TTLL5: variants seen among roughly 807,000 people sequenced by gnomAD.
The protein encoded by TTLL5 is tubulin tyrosine ligase like 5.
Under a neutral mutation model 168.4 loss-of-function variants are expected in TTLL5, and 132 were observed. That is an observed-to-expected ratio of 0.78 (90% CI 0.68 to 0.91). The LOEUF is 0.91. Among genes scored for constraint, TTLL5 ranks in the 40% least tolerant of loss-of-function variants. The pLI, the probability that TTLL5 is intolerant of heterozygous loss-of-function variation, is 0.00. For missense variants in TTLL5, 1,545 were observed against 1,581.5 expected (o/e 0.98, Z 0.39); for synonymous variants, 546 against 558.6 (o/e 0.98, Z 0.32).
chr14:75,741,319 A>G (rs1033383106), intron 15 of TTLL5, among the ~76,000 whole-genome samples: 1 of 152,218 alleles, frequency 6.6e-6, no homozygotes, highest in Non-Finnish European at 1.5e-5. Flanking sequence ...TCTTTTAGCC[A>G]GAGGCAATGG....
At chr14:75,702,349 C>G (rs926675826) in intron 7 of TTLL5, among the ~76,000 whole-genome samples, 2 of 152,198 alleles carry the variant, frequency 1.3e-5, no homozygotes, top group Admixed American at 1.3e-4. Context: ...AGCTCTGTGC[C>G]AGGAGCTCCA....
intron 1 of TTLL5, 117 bp downstream of exon 1, chr14:75,661,504 C>A (rs1407296946): frequency 3.3e-5 from 5 of 152,302 alleles, no homozygotes; most frequent in Non-Finnish European, 5.9e-5. Context: ...GGCTTCCGGG[C>A]GCGCCGCGTT....
chr14:75,723,952 A>G (rs2140213127), intron 12 of TTLL5, among the ~76,000 whole-genome samples: 1 of 151,358 alleles, frequency 6.6e-6, no homozygotes, highest in East Asian at 1.9e-4. Flanking sequence ...TATTTGTATG[A>G]GTCTCTGCCT....
intron 28 of TTLL5, among the ~76,000 whole-genome samples, chr14:75,842,881 G>C (rs1019693241): frequency 3.3e-5 from 5 of 152,096 alleles, no homozygotes; most frequent in African/African-American, 1.2e-4. Flanking sequence ...TCCATACCTG[G>C]ACACTTCCTT....
At position 75,778,365 on chromosome 14, in the gene TTLL5, G is replaced by C. The variant is rs544953726; in HGVS notation, c.2388-1210G>C. 2.2e-4 allele frequency among the ~76,000 whole-genome samples: 34 copies of C among 152,312 alleles called. 1 individual carries two copies. The East Asian group carries it at 5.2e-3, about 23-fold the overall frequency. On this transcript the variant is annotated intron_variant, in intron 23 of 31. Transcript: ENST00000298832. ...AGTCAGACAGGAAAACATAAATTATGAAGTGGGCAAAGGATAAGACAGATA... is the reference window on the plus strand; with the variant it reads ...AGTCAGACAGGAAAACATAAATTATCAAGTGGGCAAAGGATAAGACAGATA...
intron 29 of TTLL5, among the ~76,000 whole-genome samples, chr14:75,871,758 C>A (rs2031054118): frequency 6.6e-6 from 1 of 152,156 alleles, no homozygotes; most frequent in South Asian, 2.1e-4. Flanking sequence ...ATCCATCCAT[C>A]TGAGATGGTG....
chr14:75,682,283 C>G (rs1214460418), intron 4 of TTLL5, among the ~76,000 whole-genome samples: 1 of 151,948 alleles, frequency 6.6e-6, no homozygotes, highest in Non-Finnish European at 1.5e-5. Context: ...AAAGGCAGGC[C>G]TTTGGAAGGA....
intron 28 of TTLL5, among the ~76,000 whole-genome samples, chr14:75,824,415 C>CAGTCAGTCCTGTCCCGA (rs57884854): frequency 6.6e-6 from 1 of 152,058 alleles, no homozygotes; most frequent in East Asian, 1.9e-4. Flanking sequence ...TCAAGAAGGG[C>CAGTCAGTCCTGTCCCGA]ATGTAAGGAG....
rs145682038 is a variant in TTLL5, at chr14:75,887,820, A to C, written c.3740+4918A>C. 4.6e-3 allele frequency among the ~76,000 whole-genome samples: 694 copies of C among 152,332 alleles called. 19 individuals are homozygous for C. The highest frequency in any genetic ancestry group is 9.8e-4 in the Non-Finnish European group (67 of 68,028). Reference sequence around the variant, plus strand: ...TAGGAACTCACTCCTCTCTTTTTCCATACCAGTTTTACCACTTAAATGACC... The same window carrying C: ...TAGGAACTCACTCCTCTCTTTTTCCCTACCAGTTTTACCACTTAAATGACC... On this transcript the variant is annotated intron_variant, in intron 30 of 31. Transcript: ENST00000298832.
intron 18 of TTLL5, among the ~76,000 whole-genome samples, chr14:75,759,356 G>T (rs1224151626): frequency 6.6e-6 from 1 of 152,078 alleles, no homozygotes. Context: ...ATTTTGAAAA[G>T]CCCTGTATCT....
At chr14:75,822,657 C>T (rs1291109703) in intron 28 of TTLL5, among the ~76,000 whole-genome samples, 1 of 152,188 alleles carries the variant, frequency 6.6e-6, no homozygotes, top group Non-Finnish European at 1.5e-5. Flanking sequence ...TGTTATTTTT[C>T]ATTTCCCTAT....
chr14:75,703,429 T>A (rs1886422344), intron 7 of TTLL5, among the ~76,000 whole-genome samples: 1 of 152,206 alleles, frequency 6.6e-6, no homozygotes, highest in South Asian at 2.1e-4. Flanking sequence ...GATGGAAACA[T>A]CTCGGTTGGC....
chr14:75,742,288 C>G (rs1889324632), intron 15 of TTLL5, among the ~76,000 whole-genome samples: 1 of 152,116 alleles, frequency 6.6e-6, no homozygotes. Flanking sequence ...GAGGCTGTTT[C>G]TTACTCTCTC....
chr14:75,673,107 T>TAA (rs370338659), intron 3 of TTLL5, among the ~76,000 whole-genome samples: 1,819 of 142,158 alleles, frequency 0.013, 38 homozygotes, highest in African/African-American at 0.045. Context: ...GCTAGCTAAT[T>TAA]AAAAAAAAAA....
chr14:75,770,599 G>C (rs901678267), intron 20 of TTLL5, among the ~76,000 whole-genome samples: 1 of 152,198 alleles, frequency 6.6e-6, no homozygotes, highest in African/African-American at 2.4e-5. Flanking sequence ...AAAGAAAACA[G>C]ATCTGCCATG....
chr14:75,796,512 G>C (rs1415961297), intron 27 of TTLL5, among the ~76,000 whole-genome samples: 1 of 152,126 alleles, frequency 6.6e-6, no homozygotes, highest in Non-Finnish European at 1.5e-5. Context: ...CCAGTGTCTA[G>C]AAGGGTTTTT....
At chr14:75,866,734 G>A (rs141133467) in intron 29 of TTLL5, among the ~76,000 whole-genome samples, 27 of 152,262 alleles carry the variant, frequency 1.8e-4, no homozygotes, top group African/African-American at 6.5e-4. Context: ...TTTGGAAATG[G>A]ACATCTCTCA....
chr14:75,904,348 T>A, intron 31 of TTLL5: 1 of 803,584 alleles, frequency 1.2e-6, no homozygotes, highest in Non-Finnish European at 1.6e-6. Flanking sequence ...AGGATTTCTG[T>A]GAGATACCCT....
intron 15 of TTLL5, among the ~76,000 whole-genome samples, chr14:75,736,830 C>A (rs1352592452): frequency 3.9e-5 from 6 of 152,186 alleles, no homozygotes; most frequent in African/African-American, 9.7e-5. Context: ...AATATAAAAT[C>A]AGTTACCAGG....
Sources: gnomAD v4.1 joint callset for allele counts (sites outside exome capture counted in the v4.1 genomes callset) on GRCh38, gnomAD v4.1.1 for gene constraint, MANE v1.5 for transcripts, NCBI Gene and HGNC (gene_info 2026-07-23, HGNC 2026-07-21) for gene names.